The following RABEP2 variants were observed in gnomAD, a reference collection of about 807,000 sequenced individuals.
The protein encoded by RABEP2 is rabaptin, RAB GTPase binding effector protein 2, also known as rab GTPase-binding effector protein 2.
In RABEP2, 57 loss-of-function variants were observed where a neutral mutation model predicts 74.1. That is an observed-to-expected ratio of 0.77 (90% CI 0.62 to 0.96). The LOEUF (loss-of-function observed/expected upper bound fraction) is 0.96. Among genes scored for constraint, RABEP2 ranks in the 40% least tolerant of loss-of-function variants. The pLI is 0.00. For missense variants in RABEP2, 692 were observed against 756.3 expected (o/e 0.91, Z 1.00); for synonymous variants, 351 against 344.0 (o/e 1.02, Z -0.23).
chr16:28,904,917 G>A lies in RABEP2; in HGVS notation c.*26C>T. The stretch of plus-strand genomic sequence containing the variant: ...GAGTGGGGAAAGGCGTCTTTCCCAG[G>A]GTGGGGGTGGGGATATCCTGACCCC... On this transcript the variant is annotated 3_prime_UTR_variant, in exon 13 of 13. Transcript: ENST00000358201. The A allele has an allele frequency of 6.4e-7, 1 of 1,552,726 alleles. No homozygotes were observed. Among genetic ancestry groups the A allele is most frequent in the Non-Finnish European group, 8.9e-7 (1 of 1,127,782 alleles).
intron 8 of RABEP2, among the ~76,000 whole-genome samples, chr16:28,906,802 C>G (rs997637830): frequency 6.6e-6 from 1 of 151,396 alleles, no homozygotes; most frequent in African/African-American, 2.4e-5. Context: ...ACAACAACAA[C>G]AACAACAAAT....
At position 28,910,872 on chromosome 16, in the gene RABEP2, G is replaced by A. The variant is rs566267766; in HGVS notation, c.1089+16C>T. 2.5e-6 allele frequency: 4 copies of A among 1,601,378 alleles called. No individual in the cohort carries two copies. The highest frequency in any genetic ancestry group is 1.3e-5 in the African/African-American group (1 of 74,882). On this transcript the variant is annotated intron_variant, in intron 7 of 12. Coordinates refer to ENST00000358201, the MANE Select transcript of RABEP2 (RefSeq NM_024816.3). ...GGACTCCTCGCCCTCCTGCCCTAGG[G>A]CCCCCAGGTACTCACCATCTGCAGC...
chr16:28,925,055 G>A, intron 1 of RABEP2, 48 bp downstream of exon 1: 1 of 1,473,224 alleles, frequency 6.8e-7, no homozygotes, highest in Non-Finnish European at 9.0e-7. Flanking sequence ...GCTCGGCCCC[G>A]CCCCCAGCAT....
chr16:28,905,895 AAGAG>A lies in RABEP2; in HGVS notation c.1424-21_1424-18del. ...CCAGCACCTCTGTGGGAAGGAAAGA[AAGAG>A]AGGTCAAGGCCAGCCTCTCTCCCCT... is the stretch of plus-strand genomic sequence containing the variant. On this transcript the variant is annotated intron_variant, in intron 9 of 12. Transcript: ENST00000358201. 1.2e-6 allele frequency: 2 copies of A among 1,613,516 alleles called. No homozygotes were observed. The highest frequency in any genetic ancestry group is 1.7e-6 in the Non-Finnish European group (2 of 1,180,004).
At chr16:28,914,633 C>A in intron 4 of RABEP2, 39 bp downstream of exon 4, 1 of 1,611,194 alleles carries the variant, frequency 6.2e-7, no homozygotes, top group Non-Finnish European at 8.5e-7. Context: ...GGTCCTCTGG[C>A]ACCCCTCCTT....
At chr16:28,906,238 G>C (rs1355864766) in intron 8 of RABEP2, 42 bp from the exon 9 acceptor site, 2 of 1,506,224 alleles carry the variant, frequency 1.3e-6, no homozygotes, top group Non-Finnish European at 1.8e-6. Context: ...TGGGGCAGGA[G>C]GGCAGGAGGG....
Position 28,924,469 on chromosome 16 carries a change from C to T in RABEP2, c.208G>A (p.Glu70Lys), listed in dbSNP as rs1369885223. Reference protein sequence around the residue: ...VAEVSESTKAEAVAAVQRQCQ... With the variant: ...VAEVSESTKAKAVAAVQRQCQ... ...TGCCGCTGCACCGCAGCCACAGCCT[C>T]GGCCTTCGTGCTCTCGCTCACCTCT... The change falls in exon 2 of 13, where the codon GAG becomes AAG. Residue 70 changes from glutamate (E) to lysine (K), a missense_variant. Transcript: ENST00000358201. 1.9e-6 allele frequency: 3 copies of T among 1,613,886 alleles called. No homozygotes were observed. The highest frequency in any genetic ancestry group is 2.7e-5 in the African/African-American group (2 of 74,924).
chr16:28,915,329 C>G (rs12928266), intron 3 of RABEP2, among the ~76,000 whole-genome samples: 1 of 148,148 alleles, frequency 6.8e-6, no homozygotes, highest in Non-Finnish European at 1.5e-5. Context: ...AAGGTGCTGG[C>G]ATTACAAGTG....
Position 28,914,227 on chromosome 16 carries a change from A to C in RABEP2, c.894+9T>G. On this transcript the variant is annotated intron_variant, in intron 5 of 12. Transcript: ENST00000358201. ...TGGTACACCCCGCCACCCTGCCCAC[A>C]ACACTCACCTCTGTCTGCAGCTGCT... The C allele has an allele frequency of 6.3e-7, 1 of 1,578,444 alleles. No individual in the cohort carries two copies.
At position 28,904,891 on chromosome 16, in the gene RABEP2, G is replaced by C. The variant is rs1964198374; in HGVS notation, c.*52C>G. 5 of 1,373,578 alleles carry C rather than the reference G, an allele frequency of 3.6e-6. No individual in the cohort carries two copies. The highest frequency in any genetic ancestry group is 1.4e-5 in the African/African-American group (1 of 70,506). The allele number at this position is 1,373,578 out of a possible 1,614,324, so 85.1% of individuals were successfully genotyped here. A position where few individuals can be genotyped will look rare whatever the true frequency, so the allele number is the denominator to read the frequency against. On this transcript the variant is annotated 3_prime_UTR_variant, in exon 13 of 13. Coordinates refer to ENST00000358201, the MANE Select transcript of RABEP2 (RefSeq NM_024816.3). ...CCCCAGAGCGAGGCCTCATGGTTCA[G>C]GAGTGGGGAAAGGCGTCTTTCCCAG...
Position 28,919,775 on chromosome 16 carries a change from C to A in RABEP2, c.432+11G>T, listed in dbSNP as rs1450144639. 1 of 1,596,458 alleles carries A rather than the reference C, an allele frequency of 6.3e-7. No homozygotes were observed. Among genetic ancestry groups the A allele is most frequent in the Admixed American group, 1.7e-5 (1 of 59,076 alleles). On this transcript the variant is annotated intron_variant, in intron 3 of 12. Coordinates refer to ENST00000358201, the MANE Select transcript of RABEP2 (RefSeq NM_024816.3). Reference sequence around the variant, plus strand: ...ATCCCAGGGCAGCAGGGAAGCCATCCCAATCCCAACCTTTTCCATCTGCTT... The same window carrying A: ...ATCCCAGGGCAGCAGGGAAGCCATCACAATCCCAACCTTTTCCATCTGCTT...
intron 3 of RABEP2, among the ~76,000 whole-genome samples, chr16:28,915,357 GTTGGGA>G (rs1964377363): frequency 6.7e-6 from 1 of 149,462 alleles, no homozygotes; most frequent in African/African-American, 2.5e-5. Flanking sequence ...CAGCATCTGG[GTTGGGA>G]TTACACCAAT....
intron 2 of RABEP2, chr16:28,921,065 T>C (rs111936183): frequency 9.5e-6 from 4 of 419,272 alleles, no homozygotes; most frequent in African/African-American, 2.1e-5. Context: ...GGTCTCACCA[T>C]GTTGCCCAGG....
Position 28,924,990 on chromosome 16 carries a change from G to A in RABEP2, c.61+113C>T, listed in dbSNP as rs1200501292. 4.2e-6 allele frequency: 5 copies of A among 1,193,604 alleles called. No individual in the cohort carries two copies. The African/African-American group carries it at 9.0e-5, about 21-fold the overall frequency. 73.9% of individuals were successfully genotyped at this position (1,193,604 alleles called of 1,614,324 possible). ...AGGCCCCGCCCCCTTTCCCGACGGC[G>A]TGGCCCCGCCCCTTCCTCCATCATC... On this transcript the variant is annotated intron_variant, in intron 1 of 12. Transcript: ENST00000358201.
chr16:28,918,081 T>G (rs958636544), intron 3 of RABEP2, among the ~76,000 whole-genome samples: 2 of 139,698 alleles, frequency 1.4e-5, no homozygotes, highest in African/African-American at 2.7e-5. Context: ...TTTTTTTTTT[T>G]TTTTTTTTTG....
At position 28,916,498 on chromosome 16, in the gene RABEP2, C is replaced by G. The variant is rs560229760; in HGVS notation, c.433-1716G>C. Among the ~76,000 whole-genome samples the G allele has an allele frequency of 2.6e-5, 4 of 151,540 alleles. No individual in the cohort carries two copies. In the Admixed American group the frequency reaches 2.6e-4, roughly 10 times the overall value. ...ACCAGCCTGGCCAACACGGCAAAAC[C>G]CTGTGTGTACTAAAAATACAAAATT... On this transcript the variant is annotated intron_variant, in intron 3 of 12. Transcript: ENST00000358201.
chr16:28,919,717 A>C, intron 3 of RABEP2, 69 bp downstream of exon 3: 5 of 1,505,006 alleles, frequency 3.3e-6, no homozygotes, highest in Non-Finnish European at 4.5e-6. Flanking sequence ...TGACCAGGGA[A>C]TGGGACATCC....
chr16:28,920,692 TTTTG>T (rs1355815743), intron 2 of RABEP2, among the ~76,000 whole-genome samples: 9 of 151,622 alleles, frequency 5.9e-5, no homozygotes, highest in Non-Finnish European at 1.0e-4. Flanking sequence ...AGCCCTTTTT[TTTTG>T]TTTGTTTAAT....
chr16:28,925,124 G>A lies in RABEP2; in HGVS notation c.40C>T (p.Arg14Trp). ...GTACCAGCCCCCGGCCGCCGCCGCC[G>A]CTCATCGTCGTCCGCGGCCACCGGC... ...AAPVAADDDE[R>W]RRRPGAALED... Residue 14 changes from arginine to tryptophan, a missense_variant, in exon 1 of 13, where the codon CGG becomes TGG. By Grantham distance (101) the Arg-to-Trp change is moderately radical. Transcript: ENST00000358201. 3 of 1,533,744 alleles carry A rather than the reference G, an allele frequency of 2.0e-6. No individual in the cohort carries two copies. Among genetic ancestry groups the A allele is most frequent in the Non-Finnish European group, 2.6e-6 (3 of 1,146,846 alleles).
Sources: allele counts gnomAD v4.1 joint callset (sites outside exome capture counted in the v4.1 genomes callset), GRCh38; gene constraint gnomAD v4.1.1; transcripts MANE v1.5; gene names NCBI Gene and HGNC (gene_info 2026-07-23, HGNC 2026-07-21).